The following MRPS9 variants were observed in gnomAD, a reference collection of about 807,000 sequenced individuals.
MRPS9 encodes small ribosomal subunit protein uS9m.
Under a neutral mutation model 59.9 loss-of-function variants are expected in MRPS9, and 45 were observed. The observed-to-expected ratio is 0.75, with a 90% CI of 0.59 to 0.96. The LOEUF is 0.96. MRPS9 is among the 40% of genes least tolerant of loss of function. MRPS9 has a pLI of 0.00. For missense variants in MRPS9, 473 were observed against 481.1 expected, an observed-to-expected ratio of 0.98 and a Z score of 0.16; for synonymous variants, 171 against 166.8, an observed-to-expected ratio of 1.03 and a Z score of -0.19.
Position 105,097,276 on chromosome 2 carries a change from G to A in MRPS9, c.1051G>A (p.Ala351Thr). ...AGCAATACGACTGGCAATGGCAAAA[G>A]CCTTGTGCAGCTTTGTCACCGAGGA... is the stretch of plus-strand genomic sequence containing the variant. ...AGAIRLAMAK[A>T]LCSFVTEDEV... Residue 351 changes from alanine to threonine, a missense_variant, in exon 10 of 11, where the codon GCC (alanine) becomes ACC (threonine). Transcript: ENST00000258455. The A allele has an allele frequency of 1.2e-6, 2 of 1,612,668 alleles. No homozygotes were observed. The highest frequency in any genetic ancestry group is 1.7e-6 in the Non-Finnish European group (2 of 1,179,428).
At chr2:105,072,248 C>T (rs760667764) in intron 4 of MRPS9, among the ~76,000 whole-genome samples, 7 of 152,168 alleles carry the variant, frequency 4.6e-5, no homozygotes, top group African/African-American at 7.2e-5. Flanking sequence ...TGCTGCTCCC[C>T]GTTGCTTTTA....
chr2:105,093,828 T>G (rs140919196), intron 9 of MRPS9, among the ~76,000 whole-genome samples, 190 bp downstream of exon 9: 55 of 152,352 alleles, frequency 3.6e-4, no homozygotes, highest in African/African-American at 1.2e-3. Flanking sequence ...TTAAAAAGCA[T>G]CTCTAGAATT....
intron 4 of MRPS9, among the ~76,000 whole-genome samples, chr2:105,077,485 T>TA (rs36122301): frequency 6.6e-6 from 1 of 151,816 alleles, no homozygotes; most frequent in Admixed American, 6.6e-5. Flanking sequence ...AAAAAGCAAG[T>TA]AAAAAAATGG....
At chr2:105,098,368 G>T (rs562818859) in intron 10 of MRPS9, 3 of 152,224 alleles carry the variant, frequency 2.0e-5, no homozygotes, top group Admixed American at 6.5e-5. Context: ...GGGCAAGTAG[G>T]TTGGTCTCTG....
intron 2 of MRPS9, among the ~76,000 whole-genome samples, chr2:105,049,791 A>G (rs901572754): frequency 2.0e-5 from 3 of 152,206 alleles, no homozygotes; most frequent in Non-Finnish European, 4.4e-5. Flanking sequence ...TCAGAATTCT[A>G]TTCACTCTTG....
intron 1 of MRPS9, among the ~76,000 whole-genome samples, chr2:105,042,602 G>A (rs1229879857): frequency 6.6e-6 from 1 of 152,182 alleles, no homozygotes; most frequent in Non-Finnish European, 1.5e-5. Context: ...ACCTATGTGT[G>A]TGCACATGTG....
Position 105,038,218 on chromosome 2 carries a change from C to T in MRPS9, c.126C>T (p.Val42=), listed in dbSNP as rs146513746. The change falls in exon 1 of 11, where the codon GTC becomes GTT. Residue 42 remains valine (V), a synonymous_variant. Transcript: ENST00000258455. ...CGGCCCCTGAGTTGCAAACAAATGT[C>T]AGATCCCAGGTAAGGCCTGGGAAGA... The part of the protein sequence containing the change: ...KTAAPELQTN[V]RSQILRLRHT... 511 of 1,611,522 alleles carry T rather than the reference C, an allele frequency of 3.2e-4. No homozygotes were observed. The highest frequency in any genetic ancestry group is 3.9e-4 in the Non-Finnish European group (459 of 1,178,934).
At chr2:105,051,739 G>A (rs761855933) in intron 2 of MRPS9, among the ~76,000 whole-genome samples, 7 of 152,070 alleles carry the variant, frequency 4.6e-5, no homozygotes, top group Non-Finnish European at 1.0e-4. Flanking sequence ...AGTTTTCAGA[G>A]TCTAAATTTG....
chr2:105,093,576 A>C lies in MRPS9; in HGVS notation c.867A>C (p.Gly289=), dbSNP rs777683906. 4 of 1,607,418 alleles carry C rather than the reference A, an allele frequency of 2.5e-6. No homozygotes were observed. Among genetic ancestry groups the C allele is most frequent in the Non-Finnish European group, 3.4e-6 (4 of 1,176,676 alleles). The part of the protein sequence containing the change: ...AKAEAIVYKH[G]SGRIKVNGID... ...CAGAAGCAATTGTTTATAAACATGG[A>C]AGTGGAAGAATAAAAGTAAATGGAA... The change falls in exon 9 of 11, where the codon GGA becomes GGC. Residue 289 remains glycine, a synonymous_variant. Transcript: ENST00000258455.
intron 5 of MRPS9, among the ~76,000 whole-genome samples, chr2:105,084,446 C>G (rs1680409963): frequency 6.6e-6 from 1 of 152,044 alleles, no homozygotes. Flanking sequence ...TTCTTAAAGC[C>G]TGGAACAGCA....
chr2:105,038,101 G>T lies in MRPS9; in HGVS notation c.9G>T (p.Ala3=), dbSNP rs751142998. 6.2e-7 allele frequency: 1 copy of T among 1,613,770 alleles called. No homozygotes were observed. Among genetic ancestry groups the T allele is most frequent in the Non-Finnish European group, 8.5e-7 (1 of 1,179,964 alleles). The change falls in exon 1 of 11, where the codon GCG becomes GCT. Residue 3 remains alanine (A), a synonymous_variant. Transcript: ENST00000258455. The part of the protein sequence containing the change: MA[A]PCVSYGGAVS... ...GAGCTCCCACAGCTAACATGGCGGC[G>T]CCCTGTGTGTCCTACGGCGGAGCAG...
intron 10 of MRPS9, chr2:105,098,208 C>T (rs1322960855): frequency 6.6e-6 from 1 of 152,238 alleles, no homozygotes; most frequent in African/African-American, 2.4e-5. Flanking sequence ...CCTTAGACTA[C>T]TGCTTTAGAA....
At chr2:105,045,735 C>T (rs933655084) in intron 1 of MRPS9, among the ~76,000 whole-genome samples, 2 of 151,952 alleles carry the variant, frequency 1.3e-5, no homozygotes, top group Admixed American at 6.6e-5. Context: ...CAAAAGAAAC[C>T]AACCATAGGG....
intron 2 of MRPS9, among the ~76,000 whole-genome samples, chr2:105,051,259 A>G (rs1679706003): frequency 6.6e-6 from 1 of 152,164 alleles, no homozygotes; most frequent in Admixed American, 6.5e-5. Context: ...GTTCTTTTAC[A>G]TATGGACATT....
chr2:105,086,484 G>T (rs1480352397), intron 5 of MRPS9, among the ~76,000 whole-genome samples: 1 of 152,152 alleles, frequency 6.6e-6, no homozygotes, highest in Non-Finnish European at 1.5e-5. Context: ...AAGTCATTGG[G>T]AAATGACAGC....
chr2:105,050,140 T>C (rs60589370), intron 2 of MRPS9, among the ~76,000 whole-genome samples: 30,905 of 151,218 alleles, frequency 0.2, 3,228 homozygotes, highest in Middle Eastern at 0.34. Context: ...TTTTCTTTTC[T>C]TTTCTTTTCT....
intron 1 of MRPS9, among the ~76,000 whole-genome samples, chr2:105,041,347 C>T (rs561773009): frequency 1.3e-5 from 2 of 152,248 alleles, no homozygotes; most frequent in African/African-American, 4.8e-5. Flanking sequence ...AGGGTGTTTT[C>T]TTAATTATTC....
intron 2 of MRPS9, among the ~76,000 whole-genome samples, chr2:105,059,792 C>A (rs144456923): frequency 2.6e-5 from 4 of 152,192 alleles, no homozygotes; most frequent in Non-Finnish European, 5.9e-5. Flanking sequence ...GCCCAAACCA[C>A]TTGCTGGCAC....
At position 105,073,316 on chromosome 2, in the gene MRPS9, A is replaced by G. The variant is rs185044848; in HGVS notation, c.409+1827A>G. ...CCAGGTTGTGACAACTGAAACTTCTATATATCCCTGCAAAATGCCCATGTG... is the reference window on the plus strand; with the variant it reads ...CCAGGTTGTGACAACTGAAACTTCTGTATATCCCTGCAAAATGCCCATGTG... On this transcript the variant is annotated intron_variant, in intron 4 of 10. Coordinates refer to ENST00000258455, the MANE Select transcript of MRPS9 (RefSeq NM_182640.3). 1.4e-4 allele frequency among the ~76,000 whole-genome samples: 21 copies of G among 152,264 alleles called. 1 individual carries two copies. The highest frequency in any genetic ancestry group is 8.5e-4 in the Admixed American group (13 of 15,288).
Sources: allele counts gnomAD v4.1 joint callset (sites outside exome capture counted in the v4.1 genomes callset), GRCh38; gene constraint gnomAD v4.1.1; transcripts MANE v1.5; gene names NCBI Gene and HGNC (gene_info 2026-07-23, HGNC 2026-07-21).